Variants in RAD21L1 observed in about 807,000 individuals in gnomAD.
The protein encoded by RAD21L1 is RAD21 cohesin complex component like 1, also known as double-strand-break repair protein rad21-like protein 1.
RAD21L1 carries 47 observed loss-of-function variants against 69.0 expected under a neutral mutation model. The observed-to-expected ratio is 0.68, with a 90% CI of 0.54 to 0.87. The LOEUF (loss-of-function observed/expected upper bound fraction) is 0.87, where lower values mean the gene tolerates loss of function less well. Among genes scored for constraint, RAD21L1 ranks in the 40% least tolerant of loss-of-function variants. The probability of loss-of-function intolerance (pLI) is 0.00; values close to 1 mark genes in which losing one functional copy is unlikely to be tolerated. For missense variants in RAD21L1, 583 were observed against 647.6 expected (o/e 0.90, Z 1.08); for synonymous variants, 177 against 205.8 (o/e 0.86, Z 1.20).
chr20:1,251,583 G>T (rs2087834620), intron 13 of RAD21L1, among the ~76,000 whole-genome samples: 1 of 151,708 alleles, frequency 6.6e-6, no homozygotes. Context: ...TTTATGTTTT[G>T]TCTTCCTGAA....
intron 13 of RAD21L1, among the ~76,000 whole-genome samples, chr20:1,253,745 T>A (rs1374927472): frequency 6.6e-6 from 1 of 152,256 alleles, no homozygotes; most frequent in African/African-American, 2.4e-5. Flanking sequence ...AGATGTCATG[T>A]GGTGAATCCG....
intron 4 of RAD21L1, among the ~76,000 whole-genome samples, chr20:1,231,876 C>T (rs1008855751): frequency 1.3e-5 from 2 of 152,064 alleles, no homozygotes; most frequent in Non-Finnish European, 2.9e-5. Context: ...TTCCATATGC[C>T]GGAAACTGTT....
At chr20:1,253,217 G>T (rs2087870034) in intron 13 of RAD21L1, among the ~76,000 whole-genome samples, 2 of 152,302 alleles carry the variant, frequency 1.3e-5, no homozygotes, top group East Asian at 3.9e-4. Context: ...CTTGTATGTG[G>T]TATTTCTAAA....
At chr20:1,238,768 C>T (rs1453132269) in intron 6 of RAD21L1, among the ~76,000 whole-genome samples, 1 of 151,934 alleles carries the variant, frequency 6.6e-6, no homozygotes, top group Non-Finnish European at 1.5e-5. Flanking sequence ...ATAAAATAGT[C>T]ATAGAAATCG....
At chr20:1,238,280 G>T in intron 6 of RAD21L1, 66 bp downstream of exon 6, 3 of 1,069,316 alleles carry the variant, frequency 2.8e-6, no homozygotes, top group South Asian at 2.8e-5. Context: ...TATATTAGTA[G>T]ATTTATTATA....
At position 1,240,405 on chromosome 20, in the gene RAD21L1, G is replaced by T. The variant is rs760045850; in HGVS notation, c.827G>T (p.Gly276Val). ...ATATTATTATCAACTGAAGAGGAAG[G>T]ATTTACCCTTGATCCAATTGATATT... ...ETILLSTEEE[G>V]FTLDPIDISD... is the part of the protein sequence containing the mutation. The change falls in exon 8 of 14, where the codon GGA becomes GTA. Residue 276 changes from glycine to valine, a missense_variant. Gly to Val is a moderately radical substitution (Grantham distance 109). Coordinates refer to ENST00000683101, the MANE Select transcript of RAD21L1 (RefSeq NM_001384355.1). 1 of 1,548,448 alleles carries T rather than the reference G, an allele frequency of 6.5e-7. No homozygotes were observed. The highest frequency in any genetic ancestry group is 1.2e-5 in the South Asian group (1 of 83,220).
chr20:1,240,189 A>T (rs2122827332), intron 7 of RAD21L1, 132 bp from the exon 8 acceptor site: 5 of 1,371,902 alleles, frequency 3.6e-6, no homozygotes, highest in South Asian at 1.8e-5. Context: ...AAATGGTTCT[A>T]AGAATTCAGA....
chr20:1,240,342 G>A lies in RAD21L1; in HGVS notation c.764G>A (p.Cys255Tyr). 6.5e-7 allele frequency: 1 copy of A among 1,547,724 alleles called. No individual in the cohort carries two copies. Among genetic ancestry groups the A allele is most frequent in the Non-Finnish European group, 8.7e-7 (1 of 1,145,548 alleles). The change falls in exon 8 of 14, where the codon TGT (cysteine) becomes TAT (tyrosine). Residue 255 changes from cysteine (C) to tyrosine (Y), a missense_variant. Physicochemically the swap from Cys to Tyr is radical, Grantham distance 194. Coordinates refer to ENST00000683101, the MANE Select transcript of RAD21L1 (RefSeq NM_001384355.1). ...TTAGTTGAACCAGATAACTCAGAGT[G>A]TATATGTGTACCTGAAAATGAAAAA... The part of the protein sequence containing the change: ...SLAVEPDNSE[C>Y]ICVPENEKMN...
Position 1,248,695 on chromosome 20 carries a change from C to A in RAD21L1, c.1471C>A (p.Arg491Ser), listed in dbSNP as rs1411724276. ...WNGRILQMLN[R>S]LRESNKMGMQ... ...TGGAAGAATACTTCAGATGTTAAAT[C>A]GTTTACGGGTGAGATGCTAGGGTTT... The change falls in exon 13 of 14, where the codon CGT becomes AGT. Residue 491 changes from arginine to serine, a missense_variant. By Grantham distance (110) the Arg-to-Ser change is moderately radical. Coordinates refer to ENST00000683101, the MANE Select transcript of RAD21L1 (RefSeq NM_001384355.1). The A allele has an allele frequency of 1.1e-5, 16 of 1,519,044 alleles. No homozygotes were observed. Among genetic ancestry groups the A allele is most frequent in the Non-Finnish European group, 1.3e-5 (15 of 1,124,652 alleles). 94.1% of individuals were successfully genotyped at this position (1,519,044 alleles called of 1,614,324 possible).
intron 1 of RAD21L1, among the ~76,000 whole-genome samples, chr20:1,226,910 AG>A: frequency 6.6e-6 from 1 of 152,338 alleles, no homozygotes; most frequent in East Asian, 1.9e-4. Context: ...TCACTTAAAA[AG>A]TACATTTGAT....
At chr20:1,230,373 T>C (rs6078248) in intron 3 of RAD21L1, 13,055 of 184,140 alleles carry the variant, frequency 0.071, 609 homozygotes, top group East Asian at 0.17. Context: ...AAAACAGAGA[T>C]ATCAGTAATT....
At position 1,243,147 on chromosome 20, in the gene RAD21L1, G is replaced by A. The variant is rs1253992091; in HGVS notation, c.1134G>A (p.Met378Ile). Reference sequence around the variant, plus strand: ...CTGGCTTTAAACTTGGAAGAAAAATGATACAGAAGGAGTCAGTAAGGGAAG... The same window carrying A: ...CTGGCTTTAAACTTGGAAGAAAAATAATACAGAAGGAGTCAGTAAGGGAAG... ...LSSGFKLGRKMIQKESVREEV... is the reference protein window; with the variant it reads ...LSSGFKLGRKIIQKESVREEV... Residue 378 changes from methionine (M) to isoleucine (I), a missense_variant, in exon 10 of 14, where the codon ATG (methionine) becomes ATA (isoleucine). Met to Ile is a conservative substitution (Grantham distance 10). Coordinates refer to ENST00000683101, the MANE Select transcript of RAD21L1 (RefSeq NM_001384355.1). 6.5e-7 allele frequency: 1 copy of A among 1,539,542 alleles called. No homozygotes were observed. The highest frequency in any genetic ancestry group is 1.2e-5 in the South Asian group (1 of 81,470).
At chr20:1,245,395 T>G (rs2122129742) in intron 11 of RAD21L1, among the ~76,000 whole-genome samples, 1 of 152,242 alleles carries the variant, frequency 6.6e-6, no homozygotes, top group African/African-American at 2.4e-5. Context: ...AGAATACTCA[T>G]AGAAATTGAA....
rs1391108939 is a variant in RAD21L1 at position 1,255,839 on chromosome 20, T to TA, written c.*1383dup. ...AATCATATAGCATGTAAGCTTTCGA[T>TA]ACGGGCTTCTTTCACTCATAAATGT... On this transcript the variant is annotated 3_prime_UTR_variant, in exon 14 of 14. Transcript: ENST00000683101. 6.6e-6 allele frequency among the ~76,000 whole-genome samples: 1 copy of TA among 152,236 alleles called. No homozygotes were observed. The highest frequency in any genetic ancestry group is 1.5e-5 in the Non-Finnish European group (1 of 68,036).
At chr20:1,235,764 T>C (rs993062816) in intron 5 of RAD21L1, among the ~76,000 whole-genome samples, 2 of 148,948 alleles carry the variant, frequency 1.3e-5, no homozygotes, top group Non-Finnish European at 3.0e-5. Context: ...CTTGAAACTT[T>C]AGGATCACTT....
intron 3 of RAD21L1, among the ~76,000 whole-genome samples, chr20:1,231,079 A>G (rs1002673649): frequency 6.6e-6 from 1 of 152,254 alleles, no homozygotes; most frequent in East Asian, 1.9e-4. Context: ...TTAAGCTCAG[A>G]CTTGAAAAAT....
At chr20:1,232,037 CAGTA>C (rs1234994850) in intron 4 of RAD21L1, among the ~76,000 whole-genome samples, 1 of 152,062 alleles carries the variant, frequency 6.6e-6, no homozygotes, top group Non-Finnish European at 1.5e-5. Flanking sequence ...AATAAATAAA[CAGTA>C]AGACAGGAAA....
rs149537169 is a variant in RAD21L1 at position 1,246,041 on chromosome 20, T to C, written c.1309-172T>C. Among the ~76,000 whole-genome samples, 1,073 of 152,224 alleles carry C rather than the reference T, an allele frequency of 7.0e-3. 12 individuals carry two copies. Among genetic ancestry groups the C allele is most frequent in the Non-Finnish European group, 9.1e-3 (620 of 68,010 alleles). On this transcript the variant is annotated intron_variant, in intron 11 of 13. Transcript: ENST00000683101. This position sits in a 1 kb window ranked among gnomAD's most constrained non-coding sequence, Gnocchi z 4.6. ...CATATGGAAAATTGTAACATTTAAG[T>C]CAAAGACTGCCTATCTGGGGTATTT...
intron 5 of RAD21L1, among the ~76,000 whole-genome samples, chr20:1,236,466 A>T (rs1190634550): frequency 6.6e-6 from 1 of 152,182 alleles, no homozygotes; most frequent in Non-Finnish European, 1.5e-5. Flanking sequence ...AGTCAAGCAA[A>T]TGTCTTACCA....
Sources: gnomAD v4.1 joint callset for allele counts (sites outside exome capture counted in the v4.1 genomes callset) on GRCh38, gnomAD v4.1.1 for gene constraint, Gnocchi (gnomAD v3.1) non-coding constraint, MANE v1.5 for transcripts, NCBI Gene and HGNC (gene_info 2026-07-23, HGNC 2026-07-21) for gene names.